CLHC1: variants seen among roughly 807,000 people sequenced by gnomAD.
The protein encoded by CLHC1 is clathrin heavy chain linker domain-containing protein 1.
CLHC1 carries 72 observed loss-of-function variants against 69.5 expected under a neutral mutation model. The ratio of observed to expected loss-of-function variants is 1.04; its 90% CI spans 0.86 to 1.26. The LOEUF (loss-of-function observed/expected upper bound fraction) is 1.26. CLHC1 is among the 50% of genes most tolerant of loss of function. The pLI is 0.00. For missense variants in CLHC1, 790 were observed against 679.3 expected (o/e 1.16, Z -1.81); for synonymous variants, 223 against 224.3 (o/e 0.99, Z 0.05).
At chr2:55,177,361 T>C (rs1243419487) in intron 12 of CLHC1, among the ~76,000 whole-genome samples, 1 of 152,246 alleles carries the variant, frequency 6.6e-6, no homozygotes, top group Non-Finnish European at 1.5e-5. Context: ...ATCATAATTA[T>C]TGTAATATTC....
intron 9 of CLHC1, among the ~76,000 whole-genome samples, chr2:55,196,917 C>T (rs964529996): frequency 1.3e-5 from 2 of 152,168 alleles, no homozygotes; most frequent in Admixed American, 6.5e-5. Context: ...TCCAGCACTT[C>T]GTTCTTGGAT....
At chr2:55,228,300 G>C (rs1674913436) in intron 1 of CLHC1, 96 bp from the exon 2 acceptor site, 2 of 152,242 alleles carry the variant, frequency 1.3e-5, no homozygotes, top group African/African-American at 4.8e-5. Context: ...GTTTCTAGCA[G>C]AGCAGTACTC....
chr2:55,217,886 C>G lies in CLHC1; in HGVS notation c.290G>C (p.Gly97Ala). The part of the protein sequence containing the change: ...KDRRTTFCLH[G>A]KLKGLAAEPT... ...CTCTGCTGCCAAACCTTTAAGTTTT[C>G]CATGAAGACAAAATGTAGTTCTTCG... The change falls in exon 4 of 13, where the codon GGA (glycine) becomes GCA (alanine). Residue 97 changes from glycine to alanine, a missense_variant. Transcript: ENST00000401408. 1 of 1,606,648 alleles carries G rather than the reference C, an allele frequency of 6.2e-7. No homozygotes were observed. Among genetic ancestry groups the G allele is most frequent in the South Asian group, 1.1e-5 (1 of 89,884 alleles).
In CLHC1 at chr2:55,174,469, G is replaced by A. The variant is rs1167053474; in HGVS notation, c.*1321C>T. On this transcript the variant is annotated 3_prime_UTR_variant, in exon 13 of 13. Transcript: ENST00000401408. Reference sequence around the variant, plus strand: ...GTAAGTACAAACTAAGTAGAGAAATGTGTGTTTCTGGGGCCGATTACAAAG... The same window carrying A: ...GTAAGTACAAACTAAGTAGAGAAATATGTGTTTCTGGGGCCGATTACAAAG... 6.6e-6 allele frequency among the ~76,000 whole-genome samples: 1 copy of A among 152,202 alleles called. No individual in the cohort carries two copies. The highest frequency in any genetic ancestry group is 2.4e-5 in the African/African-American group (1 of 41,462).
At chr2:55,201,489 C>G (rs577927777) in intron 9 of CLHC1, among the ~76,000 whole-genome samples, 4 of 152,098 alleles carry the variant, frequency 2.6e-5, no homozygotes, top group African/African-American at 4.8e-5. Context: ...AAAACCTGAA[C>G]AGACCAATAA....
chr2:55,201,245 A>T (rs1320200204), intron 9 of CLHC1, among the ~76,000 whole-genome samples: 7 of 130,698 alleles, frequency 5.4e-5, no homozygotes, highest in African/African-American at 7.7e-5. Context: ...GAAGAGTTTA[A>T]AAAAAAAAAA....
chr2:55,193,960 C>G (rs1014917700), intron 9 of CLHC1, among the ~76,000 whole-genome samples: 1 of 152,124 alleles, frequency 6.6e-6, no homozygotes, highest in African/African-American at 2.4e-5. Flanking sequence ...ATGATACATG[C>G]TACAGCATGA....
At chr2:55,219,923 A>T (rs780143546) in intron 3 of CLHC1, among the ~76,000 whole-genome samples, 6 of 152,104 alleles carry the variant, frequency 3.9e-5, no homozygotes, top group Non-Finnish European at 8.8e-5. Flanking sequence ...TTTGGTAGAG[A>T]CAGAGTGTTG....
chr2:55,217,541 AAAAAAAAAAAAATATATATATATATAT>A (rs1558508149), intron 4 of CLHC1, among the ~76,000 whole-genome samples: 3 of 84,628 alleles, frequency 3.5e-5, no homozygotes, highest in South Asian at 4.2e-4. Flanking sequence ...AAAAAAAAAA[AAAAAAAAAAAAATATATATATATATAT>A]ATATATATAT....
intron 8 of CLHC1, 119 bp from the exon 9 acceptor site, chr2:55,206,495 G>T: frequency 1.5e-6 from 1 of 660,712 alleles, no homozygotes; most frequent in Non-Finnish European, 2.7e-6. Flanking sequence ...AAACAAAAAG[G>T]AATTCTAATA....
rs371641223 is a variant in CLHC1, at chr2:55,180,557, G to C, written c.1337C>G (p.Thr446Ser). 3.6e-5 allele frequency: 58 copies of C among 1,613,982 alleles called. No homozygotes were observed. Among genetic ancestry groups the C allele is most frequent in the Non-Finnish European group, 5.9e-6 (7 of 1,179,996 alleles). ...AILCLCKQGQTHRVMEYIQQL... is the reference protein window; with the variant it reads ...AILCLCKQGQSHRVMEYIQQL... ...CTGTATGTACTCCATGACCCTATGA[G>C]TCTGACCCTGTTTACACAAGCAAAG... The change falls in exon 11 of 13, where the codon ACT (threonine) becomes AGT (serine). Residue 446 changes from threonine (T) to serine (S), a missense_variant. Coordinates refer to ENST00000401408, the MANE Select transcript of CLHC1 (RefSeq NM_152385.4).
At chr2:55,189,919 T>C (rs887710123) in intron 9 of CLHC1, among the ~76,000 whole-genome samples, 2 of 152,202 alleles carry the variant, frequency 1.3e-5, no homozygotes, top group African/African-American at 4.8e-5. Context: ...AACCAAACAC[T>C]GCTCCAGTCC....
At chr2:55,217,547 AAAAAAATATATATATATATAT>A (rs1673665072) in intron 4 of CLHC1, among the ~76,000 whole-genome samples, 2 of 73,126 alleles carry the variant, frequency 2.7e-5, no homozygotes, top group African/African-American at 7.1e-5. Context: ...AAAAAAAAAA[AAAAAAATATATATATATATAT>A]ATATATATAT....
intron 2 of CLHC1, among the ~76,000 whole-genome samples, chr2:55,226,059 G>T (rs1317755176): frequency 2.6e-5 from 4 of 152,016 alleles, no homozygotes; most frequent in African/African-American, 9.7e-5. Context: ...GGGTGTGGTG[G>T]CGGGCGCCTG....
intron 4 of CLHC1, chr2:55,214,426 TG>T (rs1358845132): frequency 6.6e-6 from 1 of 152,308 alleles, no homozygotes; most frequent in Non-Finnish European, 1.5e-5. Context: ...GAGAATAATT[TG>T]AGCCCGGGAG....
intron 3 of CLHC1, among the ~76,000 whole-genome samples, chr2:55,220,766 A>ACCC (rs1674035859): frequency 6.6e-6 from 1 of 152,164 alleles, no homozygotes; most frequent in South Asian, 2.1e-4. Flanking sequence ...CTAATTTCAC[A>ACCC]CAGTAGAGTC....
At chr2:55,186,127 T>A (rs1670390489) in intron 9 of CLHC1, among the ~76,000 whole-genome samples, 1 of 152,208 alleles carries the variant, frequency 6.6e-6, no homozygotes, top group Non-Finnish European at 1.5e-5. Flanking sequence ...ACAACCTACA[T>A]CCACAGGGGA....
chr2:55,181,597 A>G lies in CLHC1; in HGVS notation c.1154T>C (p.Leu385Ser), dbSNP rs1558447672. ...KCGLSEKRLD[L>S]VTNWVTQERL... is the part of the protein sequence containing the mutation. ...TTCCTGTGTAACCCAATTGGTAACT[A>G]AATCTAACCGTTTTTCTGATAATCC... is the stretch of plus-strand genomic sequence containing the variant. The change falls in exon 10 of 13, where the codon TTA becomes TCA. Residue 385 changes from leucine (L) to serine (S), a missense_variant. Physicochemically the swap from Leu to Ser is moderately radical, Grantham distance 145. Transcript: ENST00000401408. 3.7e-6 allele frequency: 6 copies of G among 1,611,430 alleles called. No individual in the cohort carries two copies. Among genetic ancestry groups the G allele is most frequent in the Non-Finnish European group, 5.1e-6 (6 of 1,179,370 alleles).
At chr2:55,212,104 T>C (rs770759322) in intron 5 of CLHC1, among the ~76,000 whole-genome samples, 1 of 151,936 alleles carries the variant, frequency 6.6e-6, no homozygotes, top group Admixed American at 6.6e-5. Flanking sequence ...TGATGAAACC[T>C]CATCTCCACT....
Sources: allele counts gnomAD v4.1 joint callset (sites outside exome capture counted in the v4.1 genomes callset), GRCh38; gene constraint gnomAD v4.1.1; transcripts MANE v1.5; gene names NCBI Gene and HGNC (gene_info 2026-07-23, HGNC 2026-07-21).